SDK1: variants seen among roughly 807,000 people sequenced by gnomAD.
SDK1 encodes protein sidekick-1.
Under a neutral mutation model 245.5 loss-of-function variants are expected in SDK1, and 157 were observed. The observed-to-expected ratio is 0.64, with a 90% confidence interval of 0.56 to 0.73. SDK1 has a LOEUF of 0.73. SDK1 is among the 30% of genes least tolerant of loss of function. The probability of loss-of-function intolerance (pLI) is 0.00; values close to 1 mark genes in which losing one functional copy is unlikely to be tolerated. For synonymous variants in SDK1, 1,647 were observed against 1,278.5 expected (o/e 1.29, Z -6.15); for missense variants, 3,583 against 3,002.3 (o/e 1.19, Z -4.52).
intron 1 of SDK1, among the ~76,000 whole-genome samples, chr7:3,534,814 A>G (rs775066079): frequency 1.3e-5 from 2 of 152,260 alleles, no homozygotes; most frequent in South Asian, 4.1e-4. Flanking sequence ...ATCAAGCTGG[A>G]AATAGATGCC....
chr7:3,993,731 C>T (rs1384331897), intron 14 of SDK1, among the ~76,000 whole-genome samples: 1 of 152,132 alleles, frequency 6.6e-6, no homozygotes, highest in Non-Finnish European at 1.5e-5. Flanking sequence ...TATTTCCTCT[C>T]TGTGTTCTGT....
intron 44 of SDK1, among the ~76,000 whole-genome samples, chr7:4,252,460 T>C (rs6961520): frequency 0.059 from 9,024 of 152,192 alleles, 886 homozygotes; most frequent in African/African-American, 0.21. Flanking sequence ...TCTATCATTG[T>C]TGGACATTTG....
chr7:4,218,609 G>A (rs1392121919), intron 38 of SDK1, among the ~76,000 whole-genome samples: 1 of 152,158 alleles, frequency 6.6e-6, no homozygotes, highest in Non-Finnish European at 1.5e-5. Flanking sequence ...GGAGATGACT[G>A]GGGTATTCCA....
At chr7:3,770,571 C>A (rs189381267) in intron 4 of SDK1, among the ~76,000 whole-genome samples, 5 of 152,346 alleles carry the variant, frequency 3.3e-5, no homozygotes, top group Admixed American at 6.5e-5. Context: ...TCACCAGCAA[C>A]GTCTGAGTGG....
At chr7:3,658,201 A>G (rs926386893) in intron 4 of SDK1, among the ~76,000 whole-genome samples, 3 of 152,132 alleles carry the variant, frequency 2.0e-5, no homozygotes, top group Admixed American at 2.0e-4. Flanking sequence ...TGAATCATGA[A>G]CTGTCATAGC....
chr7:3,776,923 A>C (rs961360633), intron 4 of SDK1, among the ~76,000 whole-genome samples: 3 of 152,196 alleles, frequency 2.0e-5, no homozygotes, highest in Non-Finnish European at 4.4e-5. Context: ...TGTATCATAG[A>C]GCACGGTGTA....
In SDK1 at chr7:4,265,810, C is replaced by T; in HGVS notation, c.*426C>T. ...CCCCCGTCTCTTTCTACCTCCTCTT[C>T]CAGAGAACCAGCGGCTCACACCCTT... On this transcript the variant is annotated 3_prime_UTR_variant, in exon 45 of 45. Transcript: ENST00000404826. 1 of 1,001,214 alleles carries T rather than the reference C, an allele frequency of 1.0e-6. No homozygotes were observed. Among genetic ancestry groups the T allele is most frequent in the Middle Eastern group, 5.1e-4 (1 of 1,980 alleles). 62.0% of individuals were successfully genotyped at this position (1,001,214 alleles called of 1,614,324 possible).
chr7:3,777,288 T>C (rs1780595534), intron 4 of SDK1, among the ~76,000 whole-genome samples: 1 of 152,212 alleles, frequency 6.6e-6, no homozygotes, highest in Non-Finnish European at 1.5e-5. Context: ...AGTGCACTAA[T>C]TTGCCCTTAT....
rs535033994 is a variant in SDK1, at chr7:3,361,233, C to T, written c.298+59349C>T. Among the ~76,000 whole-genome samples, 5 of 152,330 alleles carry T rather than the reference C, an allele frequency of 3.3e-5. No individual in the cohort carries two copies. In the South Asian group the frequency reaches 6.2e-4, roughly 19 times the overall value. ...GATTGAAACGGGAGGATTGCACTCGCATCTGGATAACAGAGTGAGACCGTG... is the reference window on the plus strand; with the variant it reads ...GATTGAAACGGGAGGATTGCACTCGTATCTGGATAACAGAGTGAGACCGTG... On this transcript the variant is annotated intron_variant, in intron 1 of 44. Transcript: ENST00000404826.
chr7:3,522,155 CT>C (rs111709117), intron 1 of SDK1, among the ~76,000 whole-genome samples: 255 of 149,776 alleles, frequency 1.7e-3, no homozygotes, highest in Non-Finnish European at 2.8e-3. Flanking sequence ...TATACAATAA[CT>C]TTTTTTTTTG....
At chr7:3,617,349 G>T (rs1449704603) in intron 1 of SDK1, among the ~76,000 whole-genome samples, 1 of 152,158 alleles carries the variant, frequency 6.6e-6, no homozygotes, top group Non-Finnish European at 1.5e-5. Flanking sequence ...TTTAATTTCA[G>T]TATCTGATAA....
At chr7:3,897,637 G>T (rs1413058063) in intron 5 of SDK1, among the ~76,000 whole-genome samples, 1 of 152,100 alleles carries the variant, frequency 6.6e-6, no homozygotes, top group Non-Finnish European at 1.5e-5. Context: ...TGGCTGTTAT[G>T]AACAGTGCTC....
At chr7:4,153,752 C>T (rs778391689) in intron 30 of SDK1, among the ~76,000 whole-genome samples, 11 of 152,200 alleles carry the variant, frequency 7.2e-5, no homozygotes, top group Non-Finnish European at 1.5e-4. Flanking sequence ...TCATCGTTCA[C>T]TGCAGCCTCC....
intron 6 of SDK1, 47 bp from the exon 7 acceptor site, chr7:3,951,683 C>T (rs1780845384): frequency 6.4e-7 from 1 of 1,567,296 alleles, no homozygotes. Context: ...ACCGTTGCCA[C>T]CTCCCTGAGT....
intron 1 of SDK1, among the ~76,000 whole-genome samples, chr7:3,511,461 G>T (rs1461033317): frequency 6.6e-6 from 1 of 152,078 alleles, no homozygotes; most frequent in Non-Finnish European, 1.5e-5. Flanking sequence ...TTACTTTAGT[G>T]CTTTACATTA....
chr7:3,954,003 C>G (rs1157141287), intron 7 of SDK1, among the ~76,000 whole-genome samples: 1 of 152,144 alleles, frequency 6.6e-6, no homozygotes, highest in African/African-American at 2.4e-5. Flanking sequence ...TCACCATGTA[C>G]CTGTCAAAAG....
intron 4 of SDK1, among the ~76,000 whole-genome samples, chr7:3,686,898 C>A (rs1395690454): frequency 6.6e-6 from 1 of 152,088 alleles, no homozygotes; most frequent in Non-Finnish European, 1.5e-5. Context: ...TGGTGCCTGG[C>A]CCTGGAGCAA....
intron 13 of SDK1, among the ~76,000 whole-genome samples, chr7:3,984,203 A>T (rs1030908500): frequency 2.0e-4 from 31 of 152,114 alleles, no homozygotes; most frequent in African/African-American, 7.2e-4. Flanking sequence ...GGGCAGAGGG[A>T]TGGAGGGACA....
intron 4 of SDK1, among the ~76,000 whole-genome samples, chr7:3,663,400 T>A (rs772238391): frequency 2.0e-5 from 3 of 152,170 alleles, no homozygotes; most frequent in Non-Finnish European, 4.4e-5. Flanking sequence ...ATGAAATATA[T>A]AGGGAAGTGG....
Sources: allele counts gnomAD v4.1 joint callset (sites outside exome capture counted in the v4.1 genomes callset), GRCh38; gene constraint gnomAD v4.1.1; transcripts MANE v1.5; gene names NCBI Gene and HGNC (gene_info 2026-07-23, HGNC 2026-07-21).